HSPA12B: variants seen among roughly 807,000 people sequenced by gnomAD.
The protein encoded by HSPA12B is heat shock 70 kDa protein 12B.
A neutral mutation model predicts 69.3 loss-of-function variants in HSPA12B; 54 were observed. The ratio of observed to expected loss-of-function variants is 0.78; its 90% CI spans 0.63 to 0.98. The LOEUF is 0.98. HSPA12B is among the 50% of genes least tolerant of loss of function. The probability of loss-of-function intolerance (pLI) is 0.00; values close to 1 mark genes in which losing one functional copy is unlikely to be tolerated. For missense variants in HSPA12B, 929 were observed against 999.8 expected (o/e 0.93, Z 0.96); for synonymous variants, 441 against 436.5 (o/e 1.01, Z -0.13).
At position 3,749,097 on chromosome 20, in the gene HSPA12B, A is replaced by G. The variant is rs149599151; in HGVS notation, c.851-135A>G. 4.6e-5 allele frequency: 32 copies of G among 688,954 alleles called. No individual in the cohort carries two copies. In the East Asian group the frequency reaches 8.7e-4, roughly 19 times the overall value. The allele number at this position is 688,954 out of a possible 1,614,324, so 42.7% of individuals were successfully genotyped here. A position where few individuals can be genotyped will look rare whatever the true frequency, so the allele number is the denominator to read the frequency against. On this transcript the variant is annotated intron_variant, in intron 8 of 12. Coordinates refer to ENST00000254963, the MANE Select transcript of HSPA12B (RefSeq NM_052970.5). This position sits in a 1 kb window ranked among gnomAD's most constrained non-coding sequence, Gnocchi z 5.5. ...GGTTCAGGATTGCCCTCTCCCAGTC[A>G]GGAGCAGGTTGGAGTTTCAGGAGCA...
intron 7 of HSPA12B, among the ~76,000 whole-genome samples, chr20:3,746,844 A>G (rs1455766253): frequency 1.3e-5 from 2 of 151,738 alleles, no homozygotes; most frequent in Non-Finnish European, 2.9e-5. Context: ...TGGGAGGGAA[A>G]CCTCTCCAAG....
intron 1 of HSPA12B, among the ~76,000 whole-genome samples, chr20:3,736,637 A>G (rs1312645511): frequency 6.6e-6 from 1 of 152,226 alleles, no homozygotes; most frequent in Non-Finnish European, 1.5e-5. Context: ...CCCACCAATG[A>G]GAACATAGTG....
rs2088184519 is a variant in HSPA12B, at chr20:3,740,666, C to T, written c.44-149C>T. ...CTGCCCCTGCGTCATGTGTGTCTTT[C>T]CTACACCCCGCAGTCCTCCTCCCCA... On this transcript the variant is annotated intron_variant, in intron 2 of 12. Transcript: ENST00000254963. The surrounding 1 kb of genome is among the most constrained non-coding windows in gnomAD (Gnocchi z 4.9). The T allele has an allele frequency of 3.0e-6, 2 of 663,042 alleles. No individual in the cohort carries two copies. The highest frequency in any genetic ancestry group is 5.4e-6 in the Non-Finnish European group (2 of 372,294). The allele number at this position is 663,042 out of a possible 1,614,324, so 41.1% of individuals were successfully genotyped here. A position where few individuals can be genotyped will look rare whatever the true frequency, so the allele number is the denominator to read the frequency against.
rs1380476524 is a variant in HSPA12B, at chr20:3,751,606, G to A, written c.1501G>A (p.Ala501Thr). 4.6e-6 allele frequency: 7 copies of A among 1,527,984 alleles called. No individual in the cohort carries two copies. Among genetic ancestry groups the A allele is most frequent in the Non-Finnish European group, 6.1e-6 (7 of 1,140,454 alleles). 94.7% of individuals were successfully genotyped at this position (1,527,984 alleles called of 1,614,324 possible). A position where few individuals can be genotyped will look rare whatever the true frequency, so the allele number is the denominator to read the frequency against. Residue 501 changes from alanine to threonine, a missense_variant, in exon 13 of 13, where the codon GCG (alanine) becomes ACG (threonine). Physicochemically the swap from Ala to Thr is moderately conservative, Grantham distance 58. Around this residue, in one of 3 missense-constraint regions of HSPA12B, gnomAD observed 448 missense variants for 448.1 expected, o/e 1.00. Transcript: ENST00000254963. ...ESAVLQHAVQ[A>T]ALGARGLRVV... Reference sequence around the variant, plus strand: ...AGCGGTGCTGCAGCACGCGGTGCAGGCGGCGCTGGGCGCCCGCGGTCTGCG... The same window carrying A: ...AGCGGTGCTGCAGCACGCGGTGCAGACGGCGCTGGGCGCCCGCGGTCTGCG...
Position 3,752,155 on chromosome 20 carries a change from C to G in HSPA12B, c.2050C>G (p.Leu684Val), listed in dbSNP as rs1177156628. Residue 684 changes from leucine to valine, a missense_variant, in exon 13 of 13, where the codon CTT (leucine) becomes GTT (valine). Physicochemically the swap from Leu to Val is conservative, Grantham distance 32 (BLOSUM62 1). Around this residue, in one of 3 missense-constraint regions of HSPA12B, gnomAD observed 448 missense variants for 448.1 expected, o/e 1.00. Coordinates refer to ENST00000254963, the MANE Select transcript of HSPA12B (RefSeq NM_052970.5). ...CTCCGTGCGCGCGTCCATCGACTTTCTTTCCAACTGAGGGCGCGCCGGCGC... is the reference window on the plus strand; with the variant it reads ...CTCCGTGCGCGCGTCCATCGACTTTGTTTCCAACTGAGGGCGCGCCGGCGC... ...NRSVRASIDFLSN is the reference protein window; with the variant it reads ...NRSVRASIDFVSN 3 of 1,455,648 alleles carry G rather than the reference C, an allele frequency of 2.1e-6. No homozygotes were observed. The highest frequency in any genetic ancestry group is 2.9e-5 in the South Asian group (2 of 69,964). 90.2% of individuals were successfully genotyped at this position (1,455,648 alleles called of 1,614,324 possible). A position where few individuals can be genotyped will look rare whatever the true frequency, so the allele number is the denominator to read the frequency against.
chr20:3,746,503 C>T (rs868508792), intron 7 of HSPA12B, among the ~76,000 whole-genome samples: 13 of 151,850 alleles, frequency 8.6e-5, no homozygotes, highest in South Asian at 6.2e-4. Context: ...GGGGTTTCAT[C>T]GTGTTAGCCA....
chr20:3,733,082 G>T (rs1033472888), intron 1 of HSPA12B, among the ~76,000 whole-genome samples: 48 of 152,224 alleles, frequency 3.2e-4, no homozygotes, highest in African/African-American at 1.1e-3. Flanking sequence ...GGCAGGACTG[G>T]TGTGGGCTGG....
Position 3,749,176 on chromosome 20 carries a change from G to T in HSPA12B, c.851-56G>T. The T allele has an allele frequency of 6.7e-7, 1 of 1,496,114 alleles. No homozygotes were observed. Among genetic ancestry groups the T allele is most frequent in the Non-Finnish European group, 9.2e-7 (1 of 1,087,388 alleles). 92.7% of individuals were successfully genotyped at this position (1,496,114 alleles called of 1,614,324 possible). On this transcript the variant is annotated intron_variant, in intron 8 of 12. Coordinates refer to ENST00000254963, the MANE Select transcript of HSPA12B (RefSeq NM_052970.5). This position sits in a 1 kb window ranked among gnomAD's most constrained non-coding sequence, Gnocchi z 5.5. ...CTGGGCAGGAGGATGGGAGTTGAAC[G>T]CCATAGCTGGAGCACCTCCTTCTAA...
rs1033620825 is a variant in HSPA12B at position 3,752,332 on chromosome 20, A to T, written c.*166A>T. ...AGGTCATGGGAGAGTGGGTGGGGAC[A>T]CACCCAGAGACTGGCTTTGGGATTG... On this transcript the variant is annotated 3_prime_UTR_variant, in exon 13 of 13. Transcript: ENST00000254963. 2 of 617,690 alleles carry T rather than the reference A, an allele frequency of 3.2e-6. No homozygotes were observed. The highest frequency in any genetic ancestry group is 5.0e-6 in the Non-Finnish European group (2 of 396,924). 38.3% of individuals were successfully genotyped at this position (617,690 alleles called of 1,614,324 possible).
chr20:3,752,157 T>G lies in HSPA12B; in HGVS notation c.2052T>G (p.Leu684=). 6.9e-7 allele frequency: 1 copy of G among 1,454,150 alleles called. No individual in the cohort carries two copies. The highest frequency in any genetic ancestry group is 1.4e-5 in the South Asian group (1 of 69,724). The allele number at this position is 1,454,150 out of a possible 1,614,324, so 90.1% of individuals were successfully genotyped here. Residue 684 remains leucine (L), a synonymous_variant, in exon 13 of 13, where the codon CTT becomes CTG. Coordinates refer to ENST00000254963, the MANE Select transcript of HSPA12B (RefSeq NM_052970.5). ...NRSVRASIDF[L]SN is the part of the protein sequence containing the mutation. ...CCGTGCGCGCGTCCATCGACTTTCT[T>G]TCCAACTGAGGGCGCGCCGGCGCGG...
intron 1 of HSPA12B, among the ~76,000 whole-genome samples, chr20:3,735,435 G>A (rs2088094145): frequency 6.6e-6 from 1 of 151,692 alleles, no homozygotes; most frequent in Admixed American, 6.6e-5. Flanking sequence ...GTTTGGATGT[G>A]GAATCCAGTG....
chr20:3,751,837 G>A lies in HSPA12B; in HGVS notation c.1732G>A (p.Val578Met), dbSNP rs1182325206. Residue 578 changes from valine to methionine, a missense_variant, in exon 13 of 13, where the codon GTG becomes ATG. By Grantham distance (21) the Val-to-Met change is conservative (BLOSUM62 1). Transcript: ENST00000254963. ...RWCTDVFERF[V>M]AAEQSVALGE... Reference sequence around the variant, plus strand: ...GTGCACCGACGTCTTCGAGCGCTTCGTGGCCGCCGAGCAGTCGGTGGCCCT... The same window carrying A: ...GTGCACCGACGTCTTCGAGCGCTTCATGGCCGCCGAGCAGTCGGTGGCCCT... The A allele has an allele frequency of 3.2e-6, 5 of 1,539,226 alleles. 1 individual carries two copies. In the South Asian group the frequency reaches 3.6e-5, roughly 11 times the overall value.
At chr20:3,739,112 AGTGT>A (rs1264030030) in intron 2 of HSPA12B, among the ~76,000 whole-genome samples, 4 of 151,936 alleles carry the variant, frequency 2.6e-5, no homozygotes, top group Admixed American at 1.3e-4. Context: ...TGTGTCAGTG[AGTGT>A]GTGTCTCTGC....
At chr20:3,743,067 G>A (rs1272569529) in intron 4 of HSPA12B, among the ~76,000 whole-genome samples, 1 of 146,248 alleles carries the variant, frequency 6.8e-6, no homozygotes, top group African/African-American at 2.5e-5. Context: ...TGTATTTTTA[G>A]TAGAGACGGG....
In HSPA12B at chr20:3,750,225, C is replaced by A; in HGVS notation, c.1299C>A (p.Ser433Arg). The A allele has an allele frequency of 6.3e-7, 1 of 1,591,776 alleles. No homozygotes were observed. The highest frequency in any genetic ancestry group is 8.6e-7 in the Non-Finnish European group (1 of 1,164,312). ...ACGTGGAGACCGCTCTGCGCAGGAG[C>A]AGGTGGGTCCTGAGCCCGCGGGCTC... The part of the protein sequence containing the change: ...GHNVETALRR[S>R]SVNFVKWSSQ... Residue 433 changes from serine to arginine, a missense_variant and splice_region_variant, in exon 11 of 13, where the codon AGC becomes AGA. Ser to Arg is a moderately radical substitution (Grantham distance 110). Coordinates refer to ENST00000254963, the MANE Select transcript of HSPA12B (RefSeq NM_052970.5).
At position 3,752,221 on chromosome 20, in the gene HSPA12B, C is replaced by T; in HGVS notation, c.*55C>T. The T allele has an allele frequency of 1.4e-6, 2 of 1,409,028 alleles. No individual in the cohort carries two copies. The highest frequency in any genetic ancestry group is 1.8e-6 in the Non-Finnish European group (2 of 1,081,364). 87.3% of individuals were successfully genotyped at this position (1,409,028 alleles called of 1,614,324 possible). On this transcript the variant is annotated 3_prime_UTR_variant, in exon 13 of 13. Coordinates refer to ENST00000254963, the MANE Select transcript of HSPA12B (RefSeq NM_052970.5). ...TGCCCGGCCCCGCCCTCTTTCGGTT[C>T]AGGGGCCTGCGGAGCGGGTTGGGGC...
intron 4 of HSPA12B, among the ~76,000 whole-genome samples, chr20:3,742,868 T>C (rs1161766396): frequency 6.8e-6 from 1 of 146,914 alleles, no homozygotes; most frequent in Non-Finnish European, 1.5e-5. Context: ...TGGCTAACTT[T>C]TGTGGGGTTT....
At position 3,740,918 on chromosome 20, in the gene HSPA12B, C is replaced by T. The variant is rs200057135; in HGVS notation, c.141+6C>T. 5 of 1,608,304 alleles carry T rather than the reference C, an allele frequency of 3.1e-6. No homozygotes were observed. The East Asian group carries it at 1.1e-4, about 36-fold the overall frequency. On this transcript the variant is annotated splice_donor_region_variant and intron_variant, in intron 3 of 12. Transcript: ENST00000254963. This position sits in a 1 kb window ranked among gnomAD's most constrained non-coding sequence, Gnocchi z 4.9. ...TCACACCCTCGCAGTCTCCAGTAAG[C>T]CCAGAGCAGGGACCAGGTGGTGGGT...
At position 3,749,602 on chromosome 20, in the gene HSPA12B, G is replaced by C; in HGVS notation, c.938-148G>C. ...CCATATGTGGTGGTCTGAGGTTCAA[G>C]CACCTGAAGCCCCTCACGTCCCTCC... On this transcript the variant is annotated intron_variant, in intron 9 of 12. Transcript: ENST00000254963. The surrounding 1 kb of genome is among the most constrained non-coding windows in gnomAD (Gnocchi z 5.5). 1.6e-6 allele frequency: 1 copy of C among 637,294 alleles called. No individual in the cohort carries two copies. Among genetic ancestry groups the C allele is most frequent in the Non-Finnish European group, 2.7e-6 (1 of 371,788 alleles). 39.5% of individuals were successfully genotyped at this position (637,294 alleles called of 1,614,324 possible).
Sources: gnomAD v4.1 joint callset for allele counts (sites outside exome capture counted in the v4.1 genomes callset) on GRCh38, gnomAD v4.1.1 for gene constraint, gnomAD v4.1.1 regional missense constraint, Gnocchi (gnomAD v3.1) non-coding constraint, MANE v1.5 for transcripts, NCBI Gene and HGNC (gene_info 2026-07-23, HGNC 2026-07-21) for gene names.